Variants in ATR observed in about 807,000 individuals in gnomAD.
ATR encodes ATR checkpoint kinase, also known as serine/threonine-protein kinase ATR.
ATR carries 142 observed loss-of-function variants against 305.3 expected under a neutral mutation model. That is an observed-to-expected ratio of 0.47 (90% CI 0.41 to 0.53). The LOEUF (loss-of-function observed/expected upper bound fraction) is 0.53. Among genes scored for constraint, ATR ranks in the 20% least tolerant of loss-of-function variants. The probability of loss-of-function intolerance (pLI) is 0.00; values close to 1 mark genes in which losing one functional copy is unlikely to be tolerated. For synonymous variants in ATR, 1,050 were observed against 1,068.1 expected (o/e 0.98, Z 0.33); for missense variants, 2,135 against 3,133.1 (o/e 0.68, Z 7.60).
intron 46 of ATR, chr3:142,451,960 G>A (rs777196207): frequency 1.5e-4 from 166 of 1,132,084 alleles, no homozygotes; most frequent in Admixed American, 1.8e-4. Context: ...ATCACTTAAC[G>A]AAAAGGAACA....
intron 38 of ATR, among the ~76,000 whole-genome samples, chr3:142,468,998 A>G (rs1357593067): frequency 1.3e-5 from 2 of 151,962 alleles, no homozygotes; most frequent in African/African-American, 2.4e-5. Context: ...TTCTTAAGGG[A>G]AAAAAAATAA....
chr3:142,469,239 C>T (rs527395401), intron 38 of ATR, 98 bp downstream of exon 38: 89 of 923,310 alleles, frequency 9.6e-5, no homozygotes, highest in Middle Eastern at 3.5e-4. Flanking sequence ...ACAGGAGAGA[C>T]GCCCTGGAAC....
intron 19 of ATR, among the ~76,000 whole-genome samples, chr3:142,536,518 GA>G: frequency 6.6e-6 from 1 of 152,346 alleles, no homozygotes; most frequent in South Asian, 2.1e-4. Flanking sequence ...GACTGTGGCA[GA>G]AGATATACTG....
rs2071210336 is a variant in ATR at position 142,469,572 on chromosome 3, G to A, written c.6320-3C>T. The A allele has an allele frequency of 6.2e-7, 1 of 1,604,672 alleles. No homozygotes were observed. The highest frequency in any genetic ancestry group is 1.1e-5 in the South Asian group (1 of 90,888). ...TTGTACACGATCGGAGCGGCCAGCT[G>A]GGGGAAGAAATAAGTTTAAAAAACA... On this transcript the variant is annotated splice_polypyrimidine_tract_variant and splice_region_variant and intron_variant, in intron 37 of 46. Transcript: ENST00000350721.
intron 29 of ATR, among the ~76,000 whole-genome samples, chr3:142,504,119 T>A (rs2032116422): frequency 6.6e-6 from 1 of 152,208 alleles, no homozygotes; most frequent in African/African-American, 2.4e-5. Context: ...ATCCCAAAAT[T>A]AGAAAGAATC....
chr3:142,467,482 G>A (rs1177703589), intron 39 of ATR, among the ~76,000 whole-genome samples: 5 of 152,084 alleles, frequency 3.3e-5, no homozygotes, highest in Admixed American at 2.0e-4. Flanking sequence ...ACTGAAATGT[G>A]TACTAAAAGA....
At chr3:142,472,634 T>C (rs2071315315) in intron 36 of ATR, among the ~76,000 whole-genome samples, 1 of 152,096 alleles carries the variant, frequency 6.6e-6, no homozygotes, top group South Asian at 2.1e-4. Context: ...TTTCCTTTTT[T>C]CTATTTTTAT....
At chr3:142,521,079 C>T (rs1021879192) in intron 23 of ATR, among the ~76,000 whole-genome samples, 5 of 151,950 alleles carry the variant, frequency 3.3e-5, no homozygotes, top group Non-Finnish European at 7.4e-5. Flanking sequence ...TAAATATATG[C>T]GTCTACTATA....
rs1414908579 is a variant in ATR, at chr3:142,559,425, A to T, written c.1558T>A (p.Cys520Ser). The T allele has an allele frequency of 6.2e-7, 1 of 1,613,712 alleles. No homozygotes were observed. Reference sequence around the variant, plus strand: ...GGTTTCTTCTTGGATTTATGTTGACAGTCCTTGAAAGTACGGCTGCAGTAA... The same window carrying T: ...GGTTTCTTCTTGGATTTATGTTGACTGTCCTTGAAAGTACGGCTGCAGTAA... Reference protein sequence around the residue: ...QNMNCRTFKDCQHKSKKKPSV... With the variant: ...QNMNCRTFKDSQHKSKKKPSV... Residue 520 changes from cysteine (C) to serine (S), a missense_variant, in exon 7 of 47, where the codon TGT becomes AGT. Cys to Ser is a moderately radical substitution (Grantham distance 112). Around this residue, in one of 9 missense-constraint regions of ATR, gnomAD observed 744 missense variants for 873.2 expected, o/e 0.85. Coordinates refer to ENST00000350721, the MANE Select transcript of ATR (RefSeq NM_001184.4).
At chr3:142,502,146 C>T (rs143119702) in intron 30 of ATR, among the ~76,000 whole-genome samples, 109 of 152,284 alleles carry the variant, frequency 7.2e-4, no homozygotes, top group African/African-American at 2.5e-3. Context: ...TTAGTTCAGC[C>T]ACTGTGGAAG....
intron 36 of ATR, among the ~76,000 whole-genome samples, chr3:142,474,293 G>A (rs2071379729): frequency 6.6e-6 from 1 of 151,866 alleles, no homozygotes; most frequent in Non-Finnish European, 1.5e-5. Flanking sequence ...AATTCTGATA[G>A]AAACTACATT....
intron 46 of ATR, chr3:142,451,842 A>C (rs2070798288): frequency 7.6e-7 from 1 of 1,308,330 alleles, no homozygotes; most frequent in Admixed American, 2.1e-5. Flanking sequence ...GAGCTCTTTC[A>C]GCTGTTTAGA....
Position 142,451,763 on chromosome 3 carries a change from A to G in ATR, c.7761+1365T>C, listed in dbSNP as rs1372746514. ...CCCAGCTAATTAAAAAAAAACAAAA[A>G]CTATTTGTAGAGACCAGGGCTGGCT... On this transcript the variant is annotated intron_variant, in intron 46 of 46. Coordinates refer to ENST00000350721, the MANE Select transcript of ATR (RefSeq NM_001184.4). 7.7e-6 allele frequency: 9 copies of G among 1,170,144 alleles called. No individual in the cohort carries two copies. The East Asian group carries it at 4.6e-4, about 60-fold the overall frequency. The allele number at this position is 1,170,144 out of a possible 1,614,324, so 72.5% of individuals were successfully genotyped here. A position where few individuals can be genotyped will look rare whatever the true frequency, so the allele number is the denominator to read the frequency against.
At chr3:142,471,016 G>T (rs529483051) in intron 36 of ATR, among the ~76,000 whole-genome samples, 1 of 152,162 alleles carries the variant, frequency 6.6e-6, no homozygotes, top group African/African-American at 2.4e-5. Flanking sequence ...CATTCACATT[G>T]TTGCGTAATC....
At position 142,512,218 on chromosome 3, in the gene ATR, G is replaced by C. The variant is rs547994644; in HGVS notation, c.4852+42C>G. ...AAAGGGAAGAGCTAATTGGTGAATA[G>C]CTAAAAAAAAAAAAAAAAAAGAAAC... On this transcript the variant is annotated intron_variant, in intron 27 of 46. Coordinates refer to ENST00000350721, the MANE Select transcript of ATR (RefSeq NM_001184.4). 8.6e-5 allele frequency: 93 copies of C among 1,084,694 alleles called. No homozygotes were observed. The South Asian group carries it at 1.2e-3, about 13-fold the overall frequency. 67.2% of individuals were successfully genotyped at this position (1,084,694 alleles called of 1,614,324 possible). A position where few individuals can be genotyped will look rare whatever the true frequency, so the allele number is the denominator to read the frequency against.
At chr3:142,505,999 A>G (rs1341663655) in intron 28 of ATR, among the ~76,000 whole-genome samples, 1 of 152,216 alleles carries the variant, frequency 6.6e-6, no homozygotes, top group Non-Finnish European at 1.5e-5. Context: ...GGCATGGTCA[A>G]TGATACTGAG....
At position 142,542,660 on chromosome 3, in the gene ATR, C is replaced by T. The variant is rs2034095687; in HGVS notation, c.3450+5G>A. On this transcript the variant is annotated splice_donor_5th_base_variant and intron_variant, in intron 17 of 46. Coordinates refer to ENST00000350721, the MANE Select transcript of ATR (RefSeq NM_001184.4). Reference sequence around the variant, plus strand: ...TCTTAGCACTCTGGAACTATCACCACTTACCATTTTCTTATCTTCAATGCC... The same window carrying T: ...TCTTAGCACTCTGGAACTATCACCATTTACCATTTTCTTATCTTCAATGCC... The T allele has an allele frequency of 6.2e-7, 1 of 1,609,164 alleles. No individual in the cohort carries two copies. The highest frequency in any genetic ancestry group is 8.5e-7 in the Non-Finnish European group (1 of 1,175,982).
At chr3:142,462,609 T>C (rs1001543266) in intron 41 of ATR, among the ~76,000 whole-genome samples, 20 of 151,902 alleles carry the variant, frequency 1.3e-4, no homozygotes, top group African/African-American at 4.8e-4. Flanking sequence ...GGTGGGACTA[T>C]AGGTGCCTGC....
At chr3:142,479,123 T>C (rs1334301657) in intron 36 of ATR, among the ~76,000 whole-genome samples, 1 of 147,872 alleles carries the variant, frequency 6.8e-6, no homozygotes, top group East Asian at 2.0e-4. Flanking sequence ...AATTTGATCC[T>C]CTCAGTATGA....
Sources: allele counts gnomAD v4.1 joint callset (sites outside exome capture counted in the v4.1 genomes callset), GRCh38; gene constraint gnomAD v4.1.1; regional missense constraint gnomAD v4.1.1; transcripts MANE v1.5; gene names NCBI Gene and HGNC (gene_info 2026-07-23, HGNC 2026-07-21).